The following JAKMIP2 variants were observed in gnomAD, a reference collection of about 807,000 sequenced individuals.
JAKMIP2 encodes the protein janus kinase and microtubule interacting protein 2.
JAKMIP2 carries 25 observed loss-of-function variants against 115.0 expected under a neutral mutation model. The ratio of observed to expected loss-of-function variants is 0.22; its 90% CI spans 0.16 to 0.30. The LOEUF is 0.30. Among genes scored for constraint, JAKMIP2 ranks in the 10% least tolerant of loss-of-function variants. The pLI is 1.00. For synonymous variants in JAKMIP2, 334 were observed against 343.6 expected, an observed-to-expected ratio of 0.97 and a Z score of 0.31; for missense variants, 642 against 957.6, an observed-to-expected ratio of 0.67 and a Z score of 4.35.
At chr5:147,660,590 T>A in intron 3 of JAKMIP2, 1 of 378,750 alleles carries the variant, frequency 2.6e-6, no homozygotes, top group South Asian at 2.1e-5. Context: ...CATGCTGACT[T>A]TAGAAGAATC....
intron 3 of JAKMIP2, among the ~76,000 whole-genome samples, chr5:147,656,148 C>T (rs894408197): frequency 6.6e-6 from 1 of 152,148 alleles, no homozygotes; most frequent in African/African-American, 2.4e-5. Flanking sequence ...TGCCATGTGG[C>T]ATGAGAATAA....
chr5:147,643,268 A>G (rs1378308282), intron 7 of JAKMIP2, among the ~76,000 whole-genome samples: 2 of 152,218 alleles, frequency 1.3e-5, no homozygotes, highest in East Asian at 3.9e-4. Context: ...ATAAGTAATT[A>G]TAAACAGAAG....
intron 1 of JAKMIP2, among the ~76,000 whole-genome samples, chr5:147,743,358 A>G (rs1754222883): frequency 6.6e-6 from 1 of 152,206 alleles, no homozygotes; most frequent in African/African-American, 2.4e-5. Flanking sequence ...GTACTTGAAT[A>G]GTAGTATTTG....
At chr5:147,629,578 T>A (rs1292608823) in intron 15 of JAKMIP2, 115 bp downstream of exon 15, 6 of 683,960 alleles carry the variant, frequency 8.8e-6, no homozygotes, top group African/African-American at 3.6e-5. Context: ...AGGAGCAACA[T>A]CCTTAAGTGA....
chr5:147,731,608 C>T (rs921243243), intron 1 of JAKMIP2, among the ~76,000 whole-genome samples: 1 of 152,176 alleles, frequency 6.6e-6, no homozygotes, highest in Non-Finnish European at 1.5e-5. Context: ...GCAAGCACAG[C>T]AATGCCTTAT....
chr5:147,615,534 C>T (rs979547322), intron 19 of JAKMIP2, among the ~76,000 whole-genome samples: 6 of 151,936 alleles, frequency 3.9e-5, no homozygotes, highest in African/African-American at 1.5e-4. Context: ...AGACTCTACT[C>T]AACTGGAAAT....
intron 1 of JAKMIP2, among the ~76,000 whole-genome samples, chr5:147,759,331 T>A (rs966120501): frequency 1.3e-5 from 2 of 152,110 alleles, no homozygotes; most frequent in Non-Finnish European, 2.9e-5. Context: ...TGAGATGGCA[T>A]ATCAATTCGA....
chr5:147,777,234 C>A (rs760576389), intron 1 of JAKMIP2, among the ~76,000 whole-genome samples: 30 of 152,162 alleles, frequency 2.0e-4, no homozygotes, highest in Non-Finnish European at 3.4e-4. Flanking sequence ...GCCTGACTCA[C>A]GACTGCTTTA....
At chr5:147,693,726 T>G (rs1212610871) in intron 1 of JAKMIP2, among the ~76,000 whole-genome samples, 2 of 152,196 alleles carry the variant, frequency 1.3e-5, no homozygotes, top group African/African-American at 4.8e-5. Flanking sequence ...TTATAGTAGA[T>G]TTTTAAGTTC....
chr5:147,782,435 G>A (rs751399853), intron 1 of JAKMIP2, 21 bp downstream of exon 1: 53 of 1,535,434 alleles, frequency 3.5e-5, no homozygotes, highest in Middle Eastern at 1.7e-4. Context: ...CAAGAAGGGA[G>A]CCCTACTGTT....
intron 11 of JAKMIP2, among the ~76,000 whole-genome samples, 174 bp downstream of exon 11, chr5:147,636,791 G>C (rs1027167994): frequency 6.6e-6 from 1 of 152,074 alleles, no homozygotes; most frequent in Non-Finnish European, 1.5e-5. Flanking sequence ...TTCATACTCT[G>C]GCCAGAAAAA....
rs1249529786 is a variant in JAKMIP2 at position 147,660,875 on chromosome 5, A to C, written c.627+73T>G. 7.2e-6 allele frequency: 11 copies of C among 1,527,254 alleles called. No homozygotes were observed. The East Asian group carries it at 2.5e-4, about 34-fold the overall frequency. The allele number at this position is 1,527,254 out of a possible 1,614,324, so 94.6% of individuals were successfully genotyped here. Reference sequence around the variant, plus strand: ...CCACTGACAAGAAAACACATGAAGAAGCAAACCCCACAGCGCTCTGAAACC... The same window carrying C: ...CCACTGACAAGAAAACACATGAAGACGCAAACCCCACAGCGCTCTGAAACC... On this transcript the variant is annotated intron_variant, in intron 3 of 21. Transcript: ENST00000616793.
Position 147,589,770 on chromosome 5 carries a change from T to C in JAKMIP2, c.*1937A>G, listed in dbSNP as rs1438818000. 6.6e-6 allele frequency: 1 copy of C among 152,216 alleles called. No homozygotes were observed. Among genetic ancestry groups the C allele is most frequent in the Non-Finnish European group, 1.5e-5 (1 of 68,036 alleles). The allele number at this position is 152,216 out of a possible 1,614,324, so 9.4% of individuals were successfully genotyped here. A position where few individuals can be genotyped will look rare whatever the true frequency, so the allele number is the denominator to read the frequency against. On this transcript the variant is annotated 3_prime_UTR_variant, in exon 22 of 22. Coordinates refer to ENST00000616793, the MANE Select transcript of JAKMIP2 (RefSeq NM_001270941.2). ...TTTTGAATCTCTCAATTTTTATTGC[T>C]AATAATGTCCCAAGTAGCTTGATAA...
Position 147,661,001 on chromosome 5 carries a change from G to T in JAKMIP2, c.574C>A (p.Gln192Lys). The change falls in exon 3 of 22, where the codon CAA (glutamine) becomes AAA (lysine). Residue 192 changes from glutamine (Q) to lysine (K), a missense_variant. Physicochemically the swap from Gln to Lys is moderately conservative, Grantham distance 53. Transcript: ENST00000616793. ...CACTTGATCTTCGAGATGGCTTCTT[G>T]GTGGGACTGATGCTCACTCCGAAGG... Reference protein sequence around the residue: ...GDLRSEHQSHQEAISKIKWES... With the variant: ...GDLRSEHQSHKEAISKIKWES... 6.2e-7 allele frequency: 1 copy of T among 1,613,930 alleles called. No individual in the cohort carries two copies. The highest frequency in any genetic ancestry group is 8.5e-7 in the Non-Finnish European group (1 of 1,179,994).
chr5:147,618,957 C>A (rs1312339003), intron 18 of JAKMIP2, among the ~76,000 whole-genome samples: 1 of 151,990 alleles, frequency 6.6e-6, no homozygotes, highest in Non-Finnish European at 1.5e-5. Flanking sequence ...AAATAAAATC[C>A]AAAAAATGAC....
chr5:147,645,271 G>A (rs1389326463), intron 5 of JAKMIP2, among the ~76,000 whole-genome samples: 2 of 152,076 alleles, frequency 1.3e-5, no homozygotes, highest in Non-Finnish European at 2.9e-5. Flanking sequence ...GAAATGCTCG[G>A]GAGGACGCGC....
At chr5:147,726,704 AAC>A (rs1340099602) in intron 1 of JAKMIP2, among the ~76,000 whole-genome samples, 4 of 152,206 alleles carry the variant, frequency 2.6e-5, no homozygotes, top group Admixed American at 2.6e-4. Context: ...GTTGGTCAGT[AAC>A]AAACTTTGCT....
At chr5:147,733,824 A>G (rs1489151913) in intron 1 of JAKMIP2, among the ~76,000 whole-genome samples, 1 of 152,186 alleles carries the variant, frequency 6.6e-6, no homozygotes. Flanking sequence ...ATAGTATTCC[A>G]TGGTGTATAT....
rs540676964 is a variant in JAKMIP2 at position 147,588,025 on chromosome 5, T to C, written c.*3682A>G. 4 of 152,182 alleles carry C rather than the reference T, an allele frequency of 2.6e-5. No homozygotes were observed. The highest frequency in any genetic ancestry group is 4.2e-4 in the South Asian group (2 of 4,816). The allele number at this position is 152,182 out of a possible 1,614,324, so 9.4% of individuals were successfully genotyped here. A position where few individuals can be genotyped will look rare whatever the true frequency, so the allele number is the denominator to read the frequency against. The stretch of plus-strand genomic sequence containing the variant: ...ACTGTTGGTAATAATTTAATTTATA[T>C]AGCATAAGTCAGAAGGGTTGTAATT... On this transcript the variant is annotated 3_prime_UTR_variant, in exon 22 of 22. Transcript: ENST00000616793.
Sources: gnomAD v4.1 joint callset for allele counts (sites outside exome capture counted in the v4.1 genomes callset) on GRCh38, gnomAD v4.1.1 for gene constraint, MANE v1.5 for transcripts, NCBI Gene and HGNC (gene_info 2026-07-23, HGNC 2026-07-21) for gene names.